The following B3GALT1 variants were observed in gnomAD, a reference collection of about 807,000 sequenced individuals.
The protein encoded by B3GALT1 is UDP-Gal:betaGlcNAc beta 1,3-galactosyltransferase, polypeptide 1.
Under a neutral mutation model 23.2 loss-of-function variants are expected in B3GALT1, and 10 were observed. That is an observed-to-expected ratio of 0.43 (90% confidence interval 0.27 to 0.73). The LOEUF is 0.73. B3GALT1 is among the 30% of genes least tolerant of loss of function. The pLI is 0.21. For missense variants in B3GALT1, 299 were observed against 405.4 expected (o/e 0.74, Z 2.25); for synonymous variants, 156 against 141.5 (o/e 1.10, Z -0.73).
At chr2:167,465,880 C>A (rs1288397864) in intron 1 of B3GALT1, among the ~76,000 whole-genome samples, 1 of 151,728 alleles carries the variant, frequency 6.6e-6, no homozygotes, top group East Asian at 1.9e-4. Context: ...TTTTCCTCTT[C>A]TTTTCAATAA....
At chr2:167,636,003 A>G (rs1053008214) in intron 2 of B3GALT1, among the ~76,000 whole-genome samples, 2 of 152,110 alleles carry the variant, frequency 1.3e-5, no homozygotes, top group African/African-American at 4.8e-5. Context: ...ATGTAGACCA[A>G]TGGAACAGAA....
In B3GALT1 at chr2:167,654,363, A is replaced by G. The variant is rs372618926; in HGVS notation, c.-352+7397A>G. Among the ~76,000 whole-genome samples the G allele has an allele frequency of 1.4e-3, 211 of 152,294 alleles. 6 individuals are homozygous for G. In the South Asian group the frequency reaches 0.042, roughly 30 times the overall value. On this transcript the variant is annotated intron_variant, in intron 3 of 4. Coordinates refer to ENST00000392690, the MANE Select transcript of B3GALT1 (RefSeq NM_020981.4). Reference sequence around the variant, plus strand: ...TGACCTCTGAGACTTCACCCTGTGAAATCTCTTCCAGGCTTTCTGCTCCCC... The same window carrying G: ...TGACCTCTGAGACTTCACCCTGTGAGATCTCTTCCAGGCTTTCTGCTCCCC...
intron 1 of B3GALT1, among the ~76,000 whole-genome samples, chr2:167,356,656 G>A (rs1323826707): frequency 6.6e-6 from 1 of 151,992 alleles, no homozygotes; most frequent in African/African-American, 2.4e-5. Flanking sequence ...ATATATGCCA[G>A]AACTTTAGAC....
chr2:167,690,000 A>T (rs1192447825), intron 3 of B3GALT1, among the ~76,000 whole-genome samples: 2 of 152,166 alleles, frequency 1.3e-5, no homozygotes, highest in Admixed American at 1.3e-4. Flanking sequence ...GTAAATTTTG[A>T]TAAAATTTAA....
At position 167,449,897 on chromosome 2, in the gene B3GALT1, T is replaced by C. The variant is rs190101551; in HGVS notation, c.-510-40280T>C. Among the ~76,000 whole-genome samples, 5 of 152,354 alleles carry C rather than the reference T, an allele frequency of 3.3e-5. No individual in the cohort carries two copies. In the East Asian group the frequency reaches 9.6e-4, roughly 29 times the overall value. ...CTCTTTATGTGGTATATCATATTTA[T>C]TGACATGTACCTGTTAAACCATCCC... On this transcript the variant is annotated intron_variant, in intron 1 of 4. Transcript: ENST00000392690.
At chr2:167,643,202 TGAG>T (rs535188470) in intron 2 of B3GALT1, among the ~76,000 whole-genome samples, 230 of 152,352 alleles carry the variant, frequency 1.5e-3, no homozygotes, top group African/African-American at 5.4e-3. Flanking sequence ...AATCTGTGTT[TGAG>T]TTTACCTACA....
intron 2 of B3GALT1, among the ~76,000 whole-genome samples, chr2:167,609,806 A>G (rs1685027617): frequency 6.6e-6 from 1 of 152,156 alleles, no homozygotes; most frequent in Non-Finnish European, 1.5e-5. Flanking sequence ...ATGGAAATGA[A>G]TGGGAATGAT....
At chr2:167,719,362 G>C (rs941167744) in intron 3 of B3GALT1, among the ~76,000 whole-genome samples, 3 of 152,110 alleles carry the variant, frequency 2.0e-5, no homozygotes, top group African/African-American at 7.2e-5. Flanking sequence ...CAGATTCCGC[G>C]AATGTGTGCT....
At chr2:167,542,268 A>G (rs770532871) in intron 2 of B3GALT1, among the ~76,000 whole-genome samples, 2 of 152,042 alleles carry the variant, frequency 1.3e-5, no homozygotes, top group Non-Finnish European at 2.9e-5. Context: ...AGTCAGTTGT[A>G]TTCAATTTTC....
At chr2:167,443,356 G>A (rs185427756) in intron 1 of B3GALT1, among the ~76,000 whole-genome samples, 150 of 152,206 alleles carry the variant, frequency 9.9e-4, no homozygotes, top group African/African-American at 3.1e-3. Flanking sequence ...TTGGCAATGC[G>A]GACTCTTTTT....
intron 1 of B3GALT1, among the ~76,000 whole-genome samples, chr2:167,438,306 G>A (rs1698818440): frequency 6.6e-6 from 1 of 152,156 alleles, no homozygotes; most frequent in South Asian, 2.1e-4. Context: ...TTCTCTGGGA[G>A]CTCAAGTGAC....
At chr2:167,790,087 A>G (rs1002739084) in intron 3 of B3GALT1, among the ~76,000 whole-genome samples, 5 of 152,270 alleles carry the variant, frequency 3.3e-5, no homozygotes, top group Middle Eastern at 3.4e-3. Context: ...TCATCAGACT[A>G]TCCCCTAGTC....
intron 3 of B3GALT1, among the ~76,000 whole-genome samples, chr2:167,664,062 C>T (rs1226973535): frequency 6.6e-6 from 1 of 150,860 alleles, no homozygotes; most frequent in Admixed American, 6.6e-5. Context: ...ATGGTAATGC[C>T]TAGGTTTTCT....
chr2:167,868,037 T>G lies in B3GALT1; in HGVS notation c.-229-774T>G, dbSNP rs1457318135. 2.0e-5 allele frequency among the ~76,000 whole-genome samples: 3 copies of G among 152,348 alleles called. No individual in the cohort carries two copies. In the East Asian group the frequency reaches 5.8e-4, roughly 29 times the overall value. On this transcript the variant is annotated intron_variant, in intron 4 of 4. Coordinates refer to ENST00000392690, the MANE Select transcript of B3GALT1 (RefSeq NM_020981.4). The stretch of plus-strand genomic sequence containing the variant: ...AATTAAAAGGGCCAGTATAATTTCA[T>G]CAAGGGAACACATGGGTGAATGGTT...
rs193058946 is a variant in B3GALT1 at position 167,815,567 on chromosome 2, C to T, written c.-351-3105C>T. The stretch of plus-strand genomic sequence containing the variant: ...TGTAGCAAAACTGGGAAGACTAAAT[C>T]TCATGTCCAAATATTATTACTGTCT... On this transcript the variant is annotated intron_variant, in intron 3 of 4. Coordinates refer to ENST00000392690, the MANE Select transcript of B3GALT1 (RefSeq NM_020981.4). Among the ~76,000 whole-genome samples the T allele has an allele frequency of 3.0e-3, 461 of 152,322 alleles. 1 individual carries two copies. The highest frequency in any genetic ancestry group is 4.4e-3 in the Non-Finnish European group (297 of 68,030).
At chr2:167,717,318 T>G (rs1356892912) in intron 3 of B3GALT1, among the ~76,000 whole-genome samples, 1 of 152,022 alleles carries the variant, frequency 6.6e-6, no homozygotes, top group African/African-American at 2.4e-5. Context: ...CTTTTAAGTT[T>G]TAGGGTACAT....
intron 1 of B3GALT1, among the ~76,000 whole-genome samples, chr2:167,366,392 T>A (rs1697584601): frequency 6.6e-6 from 1 of 152,196 alleles, no homozygotes; most frequent in African/African-American, 2.4e-5. Context: ...AGCACAGTAA[T>A]GTGTTTTATG....
At chr2:167,442,000 G>C (rs1248951825) in intron 1 of B3GALT1, among the ~76,000 whole-genome samples, 1 of 151,740 alleles carries the variant, frequency 6.6e-6, no homozygotes, top group African/African-American at 2.4e-5. Flanking sequence ...TCTAGCATTA[G>C]GTATATCTCC....
chr2:167,407,428 G>A (rs1056747164), intron 1 of B3GALT1, among the ~76,000 whole-genome samples: 2 of 151,864 alleles, frequency 1.3e-5, no homozygotes, highest in South Asian at 2.1e-4. Context: ...TGCATCTCAA[G>A]GAACTAGAAA....
Sources: gnomAD v4.1 joint callset for allele counts (sites outside exome capture counted in the v4.1 genomes callset) on GRCh38, gnomAD v4.1.1 for gene constraint, MANE v1.5 for transcripts, NCBI Gene and HGNC (gene_info 2026-07-23, HGNC 2026-07-21) for gene names.